The following CCDC7 variants were observed in gnomAD, a reference collection of about 807,000 sequenced individuals.
The protein encoded by CCDC7 is coiled-coil domain-containing protein 7.
In CCDC7, 183 loss-of-function variants were observed where a neutral mutation model predicts 196.9. The observed-to-expected ratio is 0.93, with a 90% CI of 0.82 to 1.05. The LOEUF is 1.05. Among genes scored for constraint, CCDC7 ranks in the 50% least tolerant of loss-of-function variants. CCDC7 has a pLI of 0.00. For missense variants in CCDC7, 1,540 were observed against 1,482.2 expected, an observed-to-expected ratio of 1.04 and a Z score of -0.64; for synonymous variants, 525 against 484.6, an observed-to-expected ratio of 1.08 and a Z score of -1.10.
intron 16 of CCDC7, among the ~76,000 whole-genome samples, chr10:32,577,778 A>G (rs2058362923): frequency 2.0e-5 from 3 of 152,134 alleles, no homozygotes; most frequent in South Asian, 2.1e-4. Context: ...TGGATGTGCT[A>G]TATCCCCCTT....
chr10:32,492,093 AAGTT>A (rs753220058), intron 9 of CCDC7, 96 bp downstream of exon 10: 11 of 1,239,288 alleles, frequency 8.9e-6, no homozygotes, highest in African/African-American at 3.2e-5. Flanking sequence ...TCATTGAAAA[AAGTT>A]AGTACGTGTT....
At chr10:32,819,382 A>G (rs1200660117) in intron 31 of CCDC7, among the ~76,000 whole-genome samples, 3 of 152,238 alleles carry the variant, frequency 2.0e-5, no homozygotes, top group African/African-American at 2.4e-5. Flanking sequence ...ATTCTCCCAG[A>G]GGTAAAAGGT....
At chr10:32,784,109 A>G (rs1326324795) in intron 29 of CCDC7, among the ~76,000 whole-genome samples, 1 of 152,220 alleles carries the variant, frequency 6.6e-6, no homozygotes, top group Non-Finnish European at 1.5e-5. Flanking sequence ...ACAATTAATC[A>G]TACATTTAAA....
At chr10:32,519,879 C>A (rs527765536) in intron 11 of CCDC7, among the ~76,000 whole-genome samples, 7 of 152,232 alleles carry the variant, frequency 4.6e-5, no homozygotes, top group Non-Finnish European at 1.5e-5. Context: ...TTCTCACACT[C>A]CAAGCCTCTG....
At chr10:32,833,055 T>C (rs986649376) in intron 32 of CCDC7, among the ~76,000 whole-genome samples, 1 of 152,100 alleles carries the variant, frequency 6.6e-6, no homozygotes, top group Non-Finnish European at 1.5e-5. Flanking sequence ...ACAAACATTA[T>C]AAATATGTAC....
intron 8 of CCDC7, among the ~76,000 whole-genome samples, chr10:32,488,703 C>T (rs761593781): frequency 1.4e-4 from 22 of 152,242 alleles, no homozygotes; most frequent in Non-Finnish European, 2.6e-4. Flanking sequence ...TCATTTTGTT[C>T]GTGTATTGTT....
chr10:32,484,295 T>A lies in CCDC7; in HGVS notation c.797-7627T>A, dbSNP rs534002657. Among the ~76,000 whole-genome samples, 51 of 150,822 alleles carry A rather than the reference T, an allele frequency of 3.4e-4. 1 individual carries two copies. Among genetic ancestry groups the A allele is most frequent in the African/African-American group, 1.2e-3 (50 of 41,392 alleles). On this transcript the variant is annotated intron_variant, in intron 8 of 41. Coordinates refer to ENST00000639629, the Ensembl canonical transcript of CCDC7. ...AGTTCCCTCATGATTTGGCTCCCTG[T>A]TTGTCTGTTATTGGTATATAGGAAT...
At chr10:32,651,891 G>A (rs984687663) in intron 20 of CCDC7, among the ~76,000 whole-genome samples, 6 of 152,134 alleles carry the variant, frequency 3.9e-5, no homozygotes, top group Non-Finnish European at 5.9e-5. Context: ...AGATTTAGGC[G>A]GTTTTTTATT....
At chr10:32,651,163 T>C (rs2068691485) in intron 20 of CCDC7, among the ~76,000 whole-genome samples, 1 of 152,104 alleles carries the variant, frequency 6.6e-6, no homozygotes, top group Non-Finnish European at 1.5e-5. Context: ...AGCTCACACA[T>C]CCATGTGGGA....
intron 28 of CCDC7, among the ~76,000 whole-genome samples, chr10:32,777,942 AG>A (rs1453728966): frequency 7.9e-5 from 12 of 152,226 alleles, no homozygotes; most frequent in African/African-American, 2.7e-4. Context: ...TCTGATGATT[AG>A]TGATGTGGAG....
chr10:32,696,481 GTTTT>G (rs111280727), intron 24 of CCDC7, among the ~76,000 whole-genome samples: 1 of 145,760 alleles, frequency 6.9e-6, no homozygotes, highest in Non-Finnish European at 1.5e-5. Flanking sequence ...CTTGTTTTCT[GTTTT>G]TTTTTTTTAA....
At chr10:32,633,027 T>A (rs1265944431) in intron 18 of CCDC7, among the ~76,000 whole-genome samples, 4 of 152,190 alleles carry the variant, frequency 2.6e-5, no homozygotes, top group Non-Finnish European at 4.4e-5. Flanking sequence ...CAGTCTATTA[T>A]TTAAAGTGGG....
intron 24 of CCDC7, among the ~76,000 whole-genome samples, chr10:32,705,747 T>C (rs2079617362): frequency 6.6e-6 from 1 of 152,046 alleles, no homozygotes; most frequent in African/African-American, 2.4e-5. Flanking sequence ...GGTAAAGGGA[T>C]CAATTCAACA....
At chr10:32,492,539 A>G (rs1216711409) in intron 9 of CCDC7, among the ~76,000 whole-genome samples, 1 of 151,502 alleles carries the variant, frequency 6.6e-6, no homozygotes, top group Non-Finnish European at 1.5e-5. Flanking sequence ...ATGCTACAAC[A>G]TGGATGAACC....
chr10:32,712,380 C>G (rs1267125337), intron 25 of CCDC7, among the ~76,000 whole-genome samples: 1 of 152,144 alleles, frequency 6.6e-6, no homozygotes, highest in Non-Finnish European at 1.5e-5. Context: ...TACACCATAG[C>G]CTTTACGGAT....
At chr10:32,685,667 T>G (rs186631924) in intron 21 of CCDC7, among the ~76,000 whole-genome samples, 64 of 152,350 alleles carry the variant, frequency 4.2e-4, no homozygotes, top group Admixed American at 3.5e-3. Flanking sequence ...CTTGTACATA[T>G]GTATTTTTAT....
intron 13 of CCDC7, among the ~76,000 whole-genome samples, chr10:32,545,343 T>C (rs1370446863): frequency 1.3e-5 from 2 of 152,246 alleles, no homozygotes; most frequent in Non-Finnish European, 2.9e-5. Flanking sequence ...TCTTAAATTA[T>C]TGTTTATCAA....
intron 31 of CCDC7, among the ~76,000 whole-genome samples, chr10:32,816,893 GAGCAGAAAA>G (rs1277845622): frequency 2.0e-5 from 3 of 152,108 alleles, no homozygotes; most frequent in Non-Finnish European, 4.4e-5. Flanking sequence ...GGAAAAAAAA[GAGCAGAAAA>G]AACAGAAACT....
chr10:32,856,087 C>G (rs764459683), intron 41 of CCDC7, among the ~76,000 whole-genome samples: 1 of 151,970 alleles, frequency 6.6e-6, no homozygotes, highest in Admixed American at 6.6e-5. Context: ...CAAAGTAGAC[C>G]GAAAACCTAA....
Sources: gnomAD v4.1 joint callset for allele counts (sites outside exome capture counted in the v4.1 genomes callset) on GRCh38, gnomAD v4.1.1 for gene constraint, MANE v1.5 for transcripts, NCBI Gene and HGNC (gene_info 2026-07-23, HGNC 2026-07-21) for gene names.